Variants in CNTNAP2 observed in about 807,000 individuals in gnomAD.
CNTNAP2 encodes contactin-associated protein-like 2.
Under a neutral mutation model 155.2 loss-of-function variants are expected in CNTNAP2, and 98 were observed. The observed-to-expected ratio is 0.63, with a 90% CI of 0.54 to 0.75. The LOEUF is 0.75. Among genes scored for constraint, CNTNAP2 ranks in the 30% least tolerant of loss-of-function variants. The pLI is 0.00. For missense variants in CNTNAP2, 1,727 were observed against 1,688.1 expected (o/e 1.02, Z -0.40); for synonymous variants, 651 against 631.2 (o/e 1.03, Z -0.47).
At chr7:146,291,597 G>A (rs1327032617) in intron 1 of CNTNAP2, among the ~76,000 whole-genome samples, 1 of 152,148 alleles carries the variant, frequency 6.6e-6, no homozygotes, top group Non-Finnish European at 1.5e-5. Flanking sequence ...TGAAGGCAGG[G>A]ATGGTATCAA....
chr7:146,868,913 G>C (rs1383942975), intron 3 of CNTNAP2, among the ~76,000 whole-genome samples: 1 of 152,060 alleles, frequency 6.6e-6, no homozygotes, highest in African/African-American at 2.4e-5. Context: ...AAGTGCTTTT[G>C]GTCTGAGACT....
chr7:147,018,532 ATCT>A (rs1306941215), intron 3 of CNTNAP2, among the ~76,000 whole-genome samples: 1 of 152,092 alleles, frequency 6.6e-6, no homozygotes, highest in Non-Finnish European at 1.5e-5. Flanking sequence ...ATAGGTGAAA[ATCT>A]TCTCACTCTA....
intron 9 of CNTNAP2, among the ~76,000 whole-genome samples, chr7:147,381,756 G>A (rs985896873): frequency 2.6e-5 from 4 of 151,620 alleles, no homozygotes; most frequent in Non-Finnish European, 4.4e-5. Context: ...ATCTCTTTAC[G>A]CTTATTAAAA....
At chr7:147,284,730 T>G (rs914964252) in intron 8 of CNTNAP2, among the ~76,000 whole-genome samples, 1 of 151,902 alleles carries the variant, frequency 6.6e-6, no homozygotes, top group Non-Finnish European at 1.5e-5. Flanking sequence ...CACACAAGTT[T>G]TGCCACTAGG....
chr7:148,010,681 C>G lies in CNTNAP2; in HGVS notation c.2383+32692C>G, dbSNP rs181292415. On this transcript the variant is annotated intron_variant, in intron 15 of 23. Transcript: ENST00000361727. ...TCAAGGTTTTTTTTTTTTTATTAGA[C>G]TTTATTTTTTAGAGTCAATTTAGGT... is the stretch of plus-strand genomic sequence containing the variant. Among the ~76,000 whole-genome samples, 454 of 149,400 alleles carry G rather than the reference C, an allele frequency of 3.0e-3. 1 individual carries two copies. The highest frequency in any genetic ancestry group is 0.011 in the African/African-American group (445 of 40,644).
In CNTNAP2 at chr7:146,931,517, G is replaced by C. The variant is rs1012913291; in HGVS notation, c.402+91613G>C. Among the ~76,000 whole-genome samples the C allele has an allele frequency of 5.8e-4, 87 of 150,406 alleles. 2 individuals carry two copies. Among genetic ancestry groups the C allele is most frequent in the Non-Finnish European group, 2.5e-4 (17 of 67,886 alleles). ...CCAAAACTGACACCCTAACATCACA[G>C]TTAAAAGAACTAGAAAAGCAAGAGC... On this transcript the variant is annotated intron_variant, in intron 3 of 23. Coordinates refer to ENST00000361727, the MANE Select transcript of CNTNAP2 (RefSeq NM_014141.6).
chr7:146,858,455 A>G (rs1795035803), intron 3 of CNTNAP2, among the ~76,000 whole-genome samples: 2 of 152,224 alleles, frequency 1.3e-5, no homozygotes, highest in Non-Finnish European at 2.9e-5. Flanking sequence ...GTACTTTGGG[A>G]GGCCAAGGCG....
intron 17 of CNTNAP2, among the ~76,000 whole-genome samples, chr7:148,158,222 C>CTTTCTTTTTTTTT (rs1805441452): frequency 1.1e-5 from 1 of 94,800 alleles, no homozygotes; most frequent in African/African-American, 5.0e-5. Flanking sequence ...AATGTTTGCG[C>CTTTCTTTTTTTTT]TTTTTTTTTT....
At chr7:148,118,992 C>A (rs541098055) in intron 16 of CNTNAP2, among the ~76,000 whole-genome samples, 3 of 152,194 alleles carry the variant, frequency 2.0e-5, no homozygotes, top group Non-Finnish European at 1.5e-5. Flanking sequence ...ACTTGAGAAG[C>A]GCAATGCTTG....
intron 12 of CNTNAP2, among the ~76,000 whole-genome samples, chr7:147,565,146 G>A (rs777270071): frequency 4.6e-5 from 7 of 152,092 alleles, no homozygotes; most frequent in Non-Finnish European, 7.3e-5. Flanking sequence ...CCCTAAATCC[G>A]AAGTATAAAA....
At chr7:146,362,894 C>T (rs1795103427) in intron 1 of CNTNAP2, among the ~76,000 whole-genome samples, 1 of 151,622 alleles carries the variant, frequency 6.6e-6, no homozygotes, top group Admixed American at 6.6e-5. Context: ...CCTCAGCCTC[C>T]CAAGTAGCTG....
chr7:147,036,518 T>A (rs973538100), intron 3 of CNTNAP2, among the ~76,000 whole-genome samples: 1 of 152,180 alleles, frequency 6.6e-6, no homozygotes, highest in Non-Finnish European at 1.5e-5. Context: ...TTCCTTAACA[T>A]CAAGCTTTGT....
intron 12 of CNTNAP2, among the ~76,000 whole-genome samples, chr7:147,568,015 G>T (rs1193764959): frequency 6.6e-6 from 1 of 152,106 alleles, no homozygotes; most frequent in African/African-American, 2.4e-5. Context: ...GAACCCGGGG[G>T]GCAGAGGTTC....
chr7:147,622,379 T>A (rs1048362867), intron 12 of CNTNAP2, among the ~76,000 whole-genome samples: 2 of 152,094 alleles, frequency 1.3e-5, no homozygotes, highest in African/African-American at 4.8e-5. Flanking sequence ...ATAGACCATA[T>A]GTTAGGTCAC....
intron 4 of CNTNAP2, among the ~76,000 whole-genome samples, chr7:147,061,044 G>GTGTTCCCAGAGACTAGTTGCA (rs1422937968): frequency 6.6e-6 from 1 of 152,058 alleles, no homozygotes; most frequent in African/African-American, 2.4e-5. Flanking sequence ...AATGCTGTAT[G>GTGTTCCCAGAGACTAGTTGCA]ATTCAACTTA....
chr7:147,110,700 G>C (rs1416906542), intron 5 of CNTNAP2, among the ~76,000 whole-genome samples: 1 of 152,150 alleles, frequency 6.6e-6, no homozygotes, highest in Non-Finnish European at 1.5e-5. Context: ...GCAAAGGACA[G>C]GATCTCATTC....
chr7:147,853,588 A>G (rs1798986808), intron 13 of CNTNAP2, among the ~76,000 whole-genome samples: 1 of 152,220 alleles, frequency 6.6e-6, no homozygotes, highest in Admixed American at 6.5e-5. Context: ...AAAAGGCACT[A>G]ATTAAGCTGC....
At chr7:147,993,884 C>T (rs2116884856) in intron 15 of CNTNAP2, among the ~76,000 whole-genome samples, 1 of 152,154 alleles carries the variant, frequency 6.6e-6, no homozygotes, top group East Asian at 1.9e-4. Flanking sequence ...CTGTTTCCTT[C>T]CCCCTTCACA....
intron 1 of CNTNAP2, among the ~76,000 whole-genome samples, chr7:146,276,370 C>A (rs912244608): frequency 1.3e-5 from 2 of 152,152 alleles, no homozygotes; most frequent in Non-Finnish European, 2.9e-5. Flanking sequence ...GGATATGGAA[C>A]CTATCTCAAT....
Sources: gnomAD v4.1 joint callset for allele counts (sites outside exome capture counted in the v4.1 genomes callset) on GRCh38, gnomAD v4.1.1 for gene constraint, MANE v1.5 for transcripts, NCBI Gene and HGNC (gene_info 2026-07-23, HGNC 2026-07-21) for gene names.